HPS3: variants seen among roughly 807,000 people sequenced by gnomAD.
The protein encoded by HPS3 is HPS3 biogenesis of lysosomal organelles complex 2 subunit 1.
A neutral mutation model predicts 110.9 loss-of-function variants in HPS3; 79 were observed. That is an observed-to-expected ratio of 0.71 (90% CI 0.59 to 0.86). HPS3 has a LOEUF of 0.86. HPS3 is among the 40% of genes least tolerant of loss of function. The pLI, the probability that HPS3 is intolerant of heterozygous loss-of-function variation, is 0.00. For missense variants in HPS3, 1,197 were observed against 1,206.2 expected, an observed-to-expected ratio of 0.99 and a Z score of 0.11; for synonymous variants, 428 against 451.0, an observed-to-expected ratio of 0.95 and a Z score of 0.65.
At chr3:149,168,841 G>C (rs989357706) in intron 16 of HPS3, among the ~76,000 whole-genome samples, 1 of 152,050 alleles carries the variant, frequency 6.6e-6, no homozygotes. Flanking sequence ...ATTTATCACT[G>C]ACTGTTTGTG....
rs1258617563 is a variant in HPS3 at position 149,140,243 on chromosome 3, A to G, written c.457A>G (p.Thr153Ala). ...GAAAGGAGACCTTCTCGTTGGCTGC[A>G]CAAATAAATTAGTCTTATTTAGTTT... ...PVKGDLLVGCTNKLVLFSLKY... is the reference protein window; with the variant it reads ...PVKGDLLVGCANKLVLFSLKY... Residue 153 changes from threonine (T) to alanine (A), a missense_variant, in exon 2 of 17, where the codon ACA becomes GCA. Thr to Ala is a moderately conservative substitution (Grantham distance 58). Transcript: ENST00000296051. 1 of 1,614,090 alleles carries G rather than the reference A, an allele frequency of 6.2e-7. No individual in the cohort carries two copies. The highest frequency in any genetic ancestry group is 8.5e-7 in the Non-Finnish European group (1 of 1,180,044).
chr3:149,129,833 C>T lies in HPS3; in HGVS notation c.110C>T (p.Ala37Val). The T allele has an allele frequency of 6.2e-7, 1 of 1,604,560 alleles. No homozygotes were observed. The highest frequency in any genetic ancestry group is 8.5e-7 in the Non-Finnish European group (1 of 1,178,984). Residue 37 changes from alanine to valine, a missense_variant, in exon 1 of 17, where the codon GCG (alanine) becomes GTG (valine). Transcript: ENST00000296051. ...GGGCGTGACGCGCTTTTCGTGGCGG[C>T]GGGCTGCAAGGTGGAGGCGTTCGCG... The part of the protein sequence containing the change: ...GGGRDALFVA[A>V]GCKVEAFAVA...
At chr3:149,156,994 A>G (rs1480598632) in intron 8 of HPS3, among the ~76,000 whole-genome samples, 2 of 152,172 alleles carry the variant, frequency 1.3e-5, no homozygotes, top group Non-Finnish European at 2.9e-5. Flanking sequence ...TTAAATCACA[A>G]TTTTTTGAAG....
intron 5 of HPS3, among the ~76,000 whole-genome samples, chr3:149,148,399 C>CT (rs66720211): frequency 0.027 from 2,727 of 100,280 alleles, 242 homozygotes; most frequent in African/African-American, 0.076. Context: ...CATATCAAGA[C>CT]TTTTTTTTTT....
intron 15 of HPS3, 107 bp downstream of exon 15, chr3:149,167,347 A>C: frequency 2.3e-6 from 2 of 862,010 alleles, no homozygotes; most frequent in South Asian, 2.9e-5. Flanking sequence ...ATCCAACATC[A>C]TAAGGCTGTG....
At chr3:149,155,250 ATATT>A (rs767581136) in intron 8 of HPS3, 35 bp downstream of exon 8, 6 of 1,121,888 alleles carry the variant, frequency 5.3e-6, no homozygotes, top group Admixed American at 3.4e-5. Flanking sequence ...TTGTTTGTAG[ATATT>A]TAGAGTGAAA....
At position 149,172,316 on chromosome 3, in the gene HPS3, T is replaced by TCACACACACACAC. The variant is rs1200676922; in HGVS notation, c.*94_*95insCACACACACACAC. 2.9e-6 allele frequency: 2 copies of TCACACACACACAC among 681,198 alleles called. No homozygotes were observed. Among genetic ancestry groups the TCACACACACACAC allele is most frequent in the African/African-American group, 5.2e-5 (2 of 38,812 alleles). 42.2% of individuals were successfully genotyped at this position (681,198 alleles called of 1,614,324 possible). On this transcript the variant is annotated 3_prime_UTR_variant, in exon 17 of 17. Coordinates refer to ENST00000296051, the MANE Select transcript of HPS3 (RefSeq NM_032383.5). ...AAGTAGAGGAGTTTTTTATTTTATA[T>TCACACACACACAC]ATCACACACACACACACACACACAC... is the stretch of plus-strand genomic sequence containing the variant.
intron 14 of HPS3, among the ~76,000 whole-genome samples, chr3:149,164,721 C>T (rs752353029): frequency 2.1e-4 from 32 of 152,192 alleles, no homozygotes; most frequent in Non-Finnish European, 4.0e-4. Flanking sequence ...CTCATTGCTT[C>T]TGACCTGAGG....
At chr3:149,168,892 C>T (rs560121260) in intron 16 of HPS3, among the ~76,000 whole-genome samples, 1 of 152,174 alleles carries the variant, frequency 6.6e-6, no homozygotes, top group African/African-American at 2.4e-5. Flanking sequence ...CACATCTTTA[C>T]ACCTCAGCAT....
At position 149,141,381 on chromosome 3, in the gene HPS3, G is replaced by GT; in HGVS notation, c.970+2dup. On this transcript the variant is annotated splice_donor_variant, in intron 4 of 16. Coordinates refer to ENST00000296051, the MANE Select transcript of HPS3 (RefSeq NM_032383.5). LOFTEE classifies it high-confidence loss of function. ...CAGCTGCTACCCATTTACCAGACCG[G>GT]TAAGCATGACAGTGCAGGAGTGCGA... 6.2e-7 allele frequency: 1 copy of GT among 1,611,004 alleles called. No homozygotes were observed. The highest frequency in any genetic ancestry group is 1.1e-5 in the South Asian group (1 of 91,018).
chr3:149,164,806 T>C (rs1724243777), intron 14 of HPS3, among the ~76,000 whole-genome samples: 1 of 152,212 alleles, frequency 6.6e-6, no homozygotes, highest in Non-Finnish European at 1.5e-5. Flanking sequence ...CTTTGTGGCA[T>C]CCTGACCCAA....
chr3:149,162,182 G>T lies in HPS3; in HGVS notation c.2141G>T (p.Arg714Leu), dbSNP rs764187008. Residue 714 changes from arginine (R) to leucine (L), a missense_variant, in exon 12 of 17, where the codon CGG becomes CTG. Coordinates refer to ENST00000296051, the MANE Select transcript of HPS3 (RefSeq NM_032383.5). ...KLVCGFILEP[R>L]LLIQQRKGQI... ...GTATGTGGCTTCATTCTGGAACCTC[G>T]GCTGTTGATTCAACAGAGAAAGGGA... 3.1e-6 allele frequency: 5 copies of T among 1,613,898 alleles called. No homozygotes were observed. The South Asian group carries it at 5.5e-5, about 18-fold the overall frequency.
intron 6 of HPS3, among the ~76,000 whole-genome samples, chr3:149,151,393 G>A (rs1723101538): frequency 6.6e-6 from 1 of 151,616 alleles, no homozygotes; most frequent in Admixed American, 6.6e-5. Flanking sequence ...TAACAAAACA[G>A]TCCAGAAATC....
chr3:149,148,563 C>T (rs894579840), intron 5 of HPS3, among the ~76,000 whole-genome samples: 1 of 151,786 alleles, frequency 6.6e-6, no homozygotes, highest in Non-Finnish European at 1.5e-5. Context: ...TCACCATGCC[C>T]GGCTAATTTT....
chr3:149,144,361 T>C (rs1722665860), intron 4 of HPS3, among the ~76,000 whole-genome samples: 1 of 152,124 alleles, frequency 6.6e-6, no homozygotes, highest in African/African-American at 2.4e-5. Flanking sequence ...CCAGCCTGGG[T>C]GACAGAGTGA....
In HPS3 at chr3:149,129,910, C is replaced by T. The variant is rs1559902422; in HGVS notation, c.187C>T (p.Arg63Trp). The change falls in exon 1 of 17, where the codon CGG becomes TGG. Residue 63 changes from arginine (R) to tryptophan (W), a missense_variant. Transcript: ENST00000296051. ...QPRCAFSTLG[R>W]VLRLAYSEAG... Reference sequence around the variant, plus strand: ...GCGGTGCGCCTTCTCCACGCTGGGCCGGGTGTTGCGCCTGGCCTACAGCGA... The same window carrying T: ...GCGGTGCGCCTTCTCCACGCTGGGCTGGGTGTTGCGCCTGGCCTACAGCGA... 7.7e-6 allele frequency: 12 copies of T among 1,566,928 alleles called. No homozygotes were observed. Among genetic ancestry groups the T allele is most frequent in the Non-Finnish European group, 1.0e-5 (12 of 1,163,066 alleles).
intron 11 of HPS3, 67 bp from the exon 12 acceptor site, chr3:149,162,081 G>C: frequency 7.7e-7 from 1 of 1,290,550 alleles, no homozygotes; most frequent in East Asian, 2.3e-5. Flanking sequence ...AGCATGTTTA[G>C]TATTTCTAAA....
At chr3:149,158,895 T>C (rs2108161166) in intron 10 of HPS3, 49 bp downstream of exon 10, 1 of 1,319,298 alleles carries the variant, frequency 7.6e-7, no homozygotes, top group East Asian at 2.4e-5. Context: ...CATTTCATTT[T>C]AATGGTTTAT....
In HPS3 at chr3:149,158,790, T is replaced by C. The variant is rs540839996; in HGVS notation, c.1816T>C (p.Leu606=). 1.9e-6 allele frequency: 3 copies of C among 1,609,660 alleles called. No homozygotes were observed. Among genetic ancestry groups the C allele is most frequent in the East Asian group, 2.2e-5 (1 of 44,856 alleles). The change falls in exon 10 of 17, where the codon TTA becomes CTA. Residue 606 remains leucine (L), a synonymous_variant. Transcript: ENST00000296051. ...EDGLQKYERG[L]IFYINHSLYE... is the part of the protein sequence containing the mutation. Reference sequence around the variant, plus strand: ...TGGATTACAGAAATACGAGAGAGGATTAATCTTTTACATTAATCATTCACT... The same window carrying C: ...TGGATTACAGAAATACGAGAGAGGACTAATCTTTTACATTAATCATTCACT...
Sources: gnomAD v4.1 joint callset for allele counts (sites outside exome capture counted in the v4.1 genomes callset) on GRCh38, gnomAD v4.1.1 for gene constraint, MANE v1.5 for transcripts, NCBI Gene and HGNC (gene_info 2026-07-23, HGNC 2026-07-21) for gene names.